TMEM132D: variants seen among roughly 807,000 people sequenced by gnomAD.
TMEM132D encodes the protein transmembrane protein 132D, also known as mature OL transmembrane protein.
TMEM132D carries 21 observed loss-of-function variants against 62.3 expected under a neutral mutation model. The ratio of observed to expected loss-of-function variants is 0.34; its 90% CI spans 0.24 to 0.49. The LOEUF is 0.49. Among genes scored for constraint, TMEM132D ranks in the 20% least tolerant of loss-of-function variants. TMEM132D has a pLI of 0.99. For synonymous variants in TMEM132D, 621 were observed against 575.6 expected (o/e 1.08, Z -1.13); for missense variants, 1,346 against 1,402.8 (o/e 0.96, Z 0.65).
At chr12:129,829,089 C>A (rs970802256) in intron 1 of TMEM132D, among the ~76,000 whole-genome samples, 2 of 152,004 alleles carry the variant, frequency 1.3e-5, no homozygotes, top group Non-Finnish European at 2.9e-5. Context: ...GACAAACAAG[C>A]CCAAAGATGG....
chr12:129,572,274 T>G (rs907650286), intron 2 of TMEM132D, among the ~76,000 whole-genome samples: 2 of 152,166 alleles, frequency 1.3e-5, no homozygotes, highest in East Asian at 1.9e-4. Context: ...TGGAATAAGG[T>G]CGTGCTGCCT....
chr12:129,559,939 C>A (rs983180363), intron 2 of TMEM132D, among the ~76,000 whole-genome samples: 1 of 152,222 alleles, frequency 6.6e-6, no homozygotes, highest in Non-Finnish European at 1.5e-5. Context: ...AATACAGCTG[C>A]TGGCCTCCAG....
intron 3 of TMEM132D, among the ~76,000 whole-genome samples, chr12:129,435,470 G>C (rs1037990565): frequency 1.3e-5 from 2 of 152,144 alleles, no homozygotes; most frequent in African/African-American, 4.8e-5. Flanking sequence ...CTCCACATCT[G>C]TGCCAGTATT....
intron 5 of TMEM132D, among the ~76,000 whole-genome samples, chr12:129,182,714 G>A (rs937656743): frequency 6.6e-6 from 1 of 152,250 alleles, no homozygotes; most frequent in African/African-American, 2.4e-5. Flanking sequence ...TTGGGATGAT[G>A]TTTGACCAAA....
intron 3 of TMEM132D, among the ~76,000 whole-genome samples, chr12:129,395,480 T>C (rs1440123065): frequency 6.6e-6 from 1 of 152,160 alleles, no homozygotes; most frequent in Non-Finnish European, 1.5e-5. Context: ...ATTTTTGTAA[T>C]GTTCTTATGG....
chr12:129,615,190 T>C (rs1253665707), intron 2 of TMEM132D, among the ~76,000 whole-genome samples: 1 of 152,162 alleles, frequency 6.6e-6, no homozygotes, highest in African/African-American at 2.4e-5. Context: ...ATTATTTCAC[T>C]CCTAGGCAGG....
intron 3 of TMEM132D, among the ~76,000 whole-genome samples, chr12:129,368,758 C>T (rs1487949264): frequency 6.7e-6 from 1 of 150,146 alleles, no homozygotes; most frequent in South Asian, 2.2e-4. Flanking sequence ...AAGTTGTCAA[C>T]CTTTCCACCA....
chr12:129,474,658 C>T (rs1040529532), intron 3 of TMEM132D, among the ~76,000 whole-genome samples: 1 of 152,132 alleles, frequency 6.6e-6, no homozygotes, highest in Non-Finnish European at 1.5e-5. Context: ...ATCCCATTGA[C>T]GTGGATGCTG....
intron 3 of TMEM132D, among the ~76,000 whole-genome samples, chr12:129,395,919 T>C (rs1447431545): frequency 6.8e-6 from 1 of 146,886 alleles, no homozygotes; most frequent in East Asian, 1.9e-4. Flanking sequence ...TAATACATTA[T>C]ATTATACACA....
At chr12:129,104,786 GA>G (rs1175870137) in intron 5 of TMEM132D, among the ~76,000 whole-genome samples, 2 of 148,748 alleles carry the variant, frequency 1.3e-5, no homozygotes, top group Non-Finnish European at 3.0e-5. Context: ...AAAAACACAT[GA>G]AAAAATGCTC....
chr12:129,378,142 A>C (rs1870837567), intron 3 of TMEM132D, among the ~76,000 whole-genome samples: 1 of 152,222 alleles, frequency 6.6e-6, no homozygotes, highest in African/African-American at 2.4e-5. Context: ...TCATTTCCTC[A>C]AAGTGAAACT....
intron 5 of TMEM132D, among the ~76,000 whole-genome samples, chr12:129,128,168 C>G (rs555005380): frequency 6.6e-6 from 1 of 152,310 alleles, no homozygotes; most frequent in South Asian, 2.1e-4. Context: ...GTAGGGGAGA[C>G]AAGAGCTAGT....
At chr12:129,395,841 A>C (rs1290371257) in intron 3 of TMEM132D, among the ~76,000 whole-genome samples, 1 of 147,614 alleles carries the variant, frequency 6.8e-6, no homozygotes, top group Non-Finnish European at 1.5e-5. Flanking sequence ...AGATATATCT[A>C]TATTGATACA....
chr12:129,277,922 C>T lies in TMEM132D; in HGVS notation c.1299+59712G>A, dbSNP rs931479466. Among the ~76,000 whole-genome samples the T allele has an allele frequency of 2.0e-5, 3 of 152,136 alleles. No individual in the cohort carries two copies. The highest frequency in any genetic ancestry group is 4.4e-5 in the Non-Finnish European group (3 of 68,034). On this transcript the variant is annotated intron_variant, in intron 4 of 8. Transcript: ENST00000422113. This position sits in a 1 kb window ranked among gnomAD's most constrained non-coding sequence, Gnocchi z 4.2. ...CTCTATACAGAGAGCAGCAAATGTC[C>T]TAAATGACCACCAGTCTTCTGGTTG...
At chr12:129,556,879 C>T (rs1157396054) in intron 2 of TMEM132D, among the ~76,000 whole-genome samples, 4 of 152,178 alleles carry the variant, frequency 2.6e-5, no homozygotes, top group Non-Finnish European at 4.4e-5. Flanking sequence ...GAGAGAAATG[C>T]TCCAGAATAA....
chr12:129,220,357 G>T (rs753887299), intron 4 of TMEM132D, among the ~76,000 whole-genome samples: 1 of 152,170 alleles, frequency 6.6e-6, no homozygotes, highest in South Asian at 2.1e-4. Flanking sequence ...CGTTGGAAAC[G>T]AAATCTCACA....
chr12:129,295,656 A>AT (rs1881556948), intron 4 of TMEM132D, among the ~76,000 whole-genome samples: 1 of 152,040 alleles, frequency 6.6e-6, no homozygotes, highest in African/African-American at 2.4e-5. Context: ...ACTCTCACAC[A>AT]TAAAAAGTCA....
At chr12:129,374,720 A>T (rs1335928042) in intron 3 of TMEM132D, among the ~76,000 whole-genome samples, 1 of 152,172 alleles carries the variant, frequency 6.6e-6, no homozygotes, top group African/African-American at 2.4e-5. Context: ...AAGGACACCA[A>T]ATTTTGCTCC....
intron 4 of TMEM132D, among the ~76,000 whole-genome samples, chr12:129,226,909 C>T (rs1032543639): frequency 2.0e-5 from 3 of 152,194 alleles, no homozygotes; most frequent in South Asian, 4.1e-4. Flanking sequence ...AGGTCTCCTT[C>T]ATTCTGAGCC....
Sources: gnomAD v4.1 joint callset for allele counts (sites outside exome capture counted in the v4.1 genomes callset) on GRCh38, gnomAD v4.1.1 for gene constraint, Gnocchi (gnomAD v3.1) non-coding constraint, MANE v1.5 for transcripts, NCBI Gene and HGNC (gene_info 2026-07-23, HGNC 2026-07-21) for gene names.